The following PLPPR5 variants were observed in gnomAD, a reference collection of about 807,000 sequenced individuals.
PLPPR5 encodes the protein phospholipid phosphatase related 5.
In PLPPR5, 16 loss-of-function variants were observed where a neutral mutation model predicts 33.9. The observed-to-expected ratio is 0.47, with a 90% CI of 0.32 to 0.72. The LOEUF is 0.72. Ranked by LOEUF, PLPPR5 falls within the 30% of genes least tolerant of loss-of-function variation. The probability of loss-of-function intolerance (pLI) is 0.03; values close to 1 mark genes in which losing one functional copy is unlikely to be tolerated. For missense variants in PLPPR5, 301 were observed against 406.7 expected, an observed-to-expected ratio of 0.74 and a Z score of 2.23; for synonymous variants, 163 against 150.3, an observed-to-expected ratio of 1.08 and a Z score of -0.62.
chr1:99,004,558 C>A lies in PLPPR5; in HGVS notation c.114G>T (p.Val38=). 9.9e-6 allele frequency: 16 copies of A among 1,613,106 alleles called. No individual in the cohort carries two copies. The highest frequency in any genetic ancestry group is 1.4e-5 in the Non-Finnish European group (16 of 1,179,872). Residue 38 remains valine (V), a synonymous_variant, in exon 1 of 6, where the codon GTG becomes GTT. Transcript: ENST00000263177. ...CGTGGCAGAAGAAGCCCTGCACGTT[C>A]ACGGTGAACGTGTCCGTATACTCGA... The part of the protein sequence containing the change: ...YYFEYTDTFT[V]NVQGFFCHDS...
chr1:98,926,498 T>G (rs1416166503), intron 3 of PLPPR5, among the ~76,000 whole-genome samples: 2 of 134,792 alleles, frequency 1.5e-5, no homozygotes, highest in Non-Finnish European at 3.2e-5. Context: ...GTGTGTGTGT[T>G]TTAATAACTT....
intron 2 of PLPPR5, among the ~76,000 whole-genome samples, chr1:98,954,447 T>G (rs1371962392): frequency 6.6e-6 from 1 of 152,134 alleles, no homozygotes; most frequent in Non-Finnish European, 1.5e-5. Flanking sequence ...ATTATTTGTT[T>G]CCCAAGCCTT....
At chr1:98,991,024 T>C (rs1021394486) in intron 1 of PLPPR5, 2 of 152,254 alleles carry the variant, frequency 1.3e-5, no homozygotes, top group Admixed American at 6.5e-5. Context: ...AGCCAAAATA[T>C]GTGTGTATGT....
At chr1:98,939,517 G>A (rs1309948999) in intron 3 of PLPPR5, among the ~76,000 whole-genome samples, 1 of 151,950 alleles carries the variant, frequency 6.6e-6, no homozygotes, top group Non-Finnish European at 1.5e-5. Context: ...TGTGTGGGAA[G>A]CATATATTCT....
intron 5 of PLPPR5, among the ~76,000 whole-genome samples, chr1:98,895,361 C>A (rs760366119): frequency 6.6e-6 from 1 of 152,012 alleles, no homozygotes; most frequent in Non-Finnish European, 1.5e-5. Flanking sequence ...CTCCAGAATC[C>A]TGAGCCAATA....
intron 1 of PLPPR5, among the ~76,000 whole-genome samples, chr1:98,969,852 C>T (rs1651599501): frequency 6.6e-6 from 1 of 152,004 alleles, no homozygotes; most frequent in African/African-American, 2.4e-5. Context: ...AAGTGCCCTG[C>T]CACTGCATTC....
Position 98,921,871 on chromosome 1 carries a change from T to G in PLPPR5, c.798+11A>C, listed in dbSNP as rs756897469. 3 of 1,596,368 alleles carry G rather than the reference T, an allele frequency of 1.9e-6. No homozygotes were observed. Among genetic ancestry groups the G allele is most frequent in the Non-Finnish European group, 2.6e-6 (3 of 1,172,228 alleles). On this transcript the variant is annotated intron_variant, in intron 4 of 5. Transcript: ENST00000263177. ...AAAAACCCAATGATATATAAATAAA[T>G]TTGTACTTACCAGAAATACTGCTAT...
chr1:98,900,513 A>C (rs1648657994), intron 5 of PLPPR5, among the ~76,000 whole-genome samples: 1 of 152,124 alleles, frequency 6.6e-6, no homozygotes, highest in African/African-American at 2.4e-5. Context: ...GTTACATTTC[A>C]TATATTACGA....
chr1:98,921,308 T>C (rs1199330341), intron 4 of PLPPR5, among the ~76,000 whole-genome samples: 4 of 152,172 alleles, frequency 2.6e-5, no homozygotes, highest in Admixed American at 6.5e-5. Flanking sequence ...TCTTAGAAAC[T>C]ATTCATGAGT....
intron 3 of PLPPR5, among the ~76,000 whole-genome samples, chr1:98,950,751 A>T (rs1296985802): frequency 6.6e-6 from 1 of 152,178 alleles, no homozygotes; most frequent in Admixed American, 6.5e-5. Context: ...TTGAGTGATC[A>T]TAGCTCACTG....
intron 5 of PLPPR5, among the ~76,000 whole-genome samples, chr1:98,903,401 C>T (rs912340386): frequency 6.6e-6 from 1 of 152,080 alleles, no homozygotes; most frequent in Non-Finnish European, 1.5e-5. Flanking sequence ...GCCAGAGTTA[C>T]TCACGCACAG....
intron 5 of PLPPR5, among the ~76,000 whole-genome samples, chr1:98,904,153 G>T (rs1648805796): frequency 6.6e-6 from 1 of 152,122 alleles, no homozygotes; most frequent in Non-Finnish European, 1.5e-5. Flanking sequence ...CTGTTAAAAG[G>T]GGTGTGCTTT....
At chr1:98,965,307 C>A (rs1339559019) in intron 1 of PLPPR5, among the ~76,000 whole-genome samples, 1 of 152,114 alleles carries the variant, frequency 6.6e-6, no homozygotes, top group Non-Finnish European at 1.5e-5. Flanking sequence ...CCTTATTACA[C>A]CTCATCCCCT....
At chr1:98,913,181 C>T (rs907699036) in intron 5 of PLPPR5, among the ~76,000 whole-genome samples, 5 of 152,186 alleles carry the variant, frequency 3.3e-5, no homozygotes, top group Admixed American at 1.3e-4. Context: ...GCTATTGCTT[C>T]TTTCATGAGT....
chr1:98,978,358 A>G (rs977248168), intron 1 of PLPPR5, among the ~76,000 whole-genome samples: 7 of 152,068 alleles, frequency 4.6e-5, no homozygotes, highest in African/African-American at 1.7e-4. Flanking sequence ...CCCATCTTCA[A>G]TCTTCTTCTC....
chr1:98,930,558 G>GATAAGT (rs546484427), intron 3 of PLPPR5, among the ~76,000 whole-genome samples: 2,050 of 152,222 alleles, frequency 0.013, 19 homozygotes, highest in Non-Finnish European at 0.017. Context: ...ACCTTAGAAA[G>GATAAGT]ATAATATTGC....
At chr1:98,973,772 T>G (rs1419927470) in intron 1 of PLPPR5, among the ~76,000 whole-genome samples, 2 of 151,602 alleles carry the variant, frequency 1.3e-5, no homozygotes, top group Non-Finnish European at 2.9e-5. Context: ...TTGGCTGGCA[T>G]GCAGACTAGA....
chr1:98,995,617 G>C (rs1358917146), intron 1 of PLPPR5, among the ~76,000 whole-genome samples: 1 of 151,918 alleles, frequency 6.6e-6, no homozygotes, highest in Non-Finnish European at 1.5e-5. Context: ...CCAGCCCTTG[G>C]TTTAAAACAG....
intron 5 of PLPPR5, among the ~76,000 whole-genome samples, chr1:98,898,524 T>C (rs1008528414): frequency 6.6e-6 from 1 of 152,182 alleles, no homozygotes; most frequent in African/African-American, 2.4e-5. Context: ...GTTCGAAGGT[T>C]CTACTTTGTC....
Sources: allele counts gnomAD v4.1 joint callset (sites outside exome capture counted in the v4.1 genomes callset), GRCh38; gene constraint gnomAD v4.1.1; transcripts MANE v1.5; gene names NCBI Gene and HGNC (gene_info 2026-07-23, HGNC 2026-07-21).